The following NAGA variants were observed in gnomAD, a reference collection of about 807,000 sequenced individuals.
NAGA encodes the protein alpha-N-acetylgalactosaminidase, also known as Acetylgalactosaminidase, alpha-N- (alpha-galactosidase B).
In NAGA, 42 loss-of-function variants were observed where a neutral mutation model predicts 45.6. The ratio of observed to expected loss-of-function variants is 0.92; its 90% CI spans 0.72 to 1.19. The LOEUF (loss-of-function observed/expected upper bound fraction) is 1.19. Ranked by LOEUF, NAGA falls within the 50% of genes most tolerant of loss-of-function variation. NAGA has a pLI of 0.00. For synonymous variants in NAGA, 176 were observed against 203.1 expected (o/e 0.87, Z 1.13); for missense variants, 493 against 544.8 (o/e 0.90, Z 0.95).
chr22:42,068,025 T>C (rs1569458717), intron 2 of NAGA, 89 bp from the exon 3 acceptor site: 5 of 1,282,816 alleles, frequency 3.9e-6, no homozygotes, highest in Non-Finnish European at 5.6e-6. Flanking sequence ...ATCTGGGCTA[T>C]AAAAACCATG....
In NAGA at chr22:42,067,772, G is replaced by C; in HGVS notation, c.317C>G (p.Ala106Gly). Reference protein sequence around the residue: ...KRFPHGIPFLADYVHSLGLKL... With the variant: ...KRFPHGIPFLGDYVHSLGLKL... ...GGCTGGGGTGCGGCTCACGTAGTCA[G>C]CCAGGAAAGGAATGCCATGAGGGAA... The change falls in exon 3 of 9, where the codon GCT (alanine) becomes GGT (glycine). Residue 106 changes from alanine to glycine, a missense_variant. Coordinates refer to ENST00000396398, the MANE Select transcript of NAGA (RefSeq NM_000262.3). The C allele has an allele frequency of 6.2e-7, 1 of 1,612,254 alleles. No individual in the cohort carries two copies. The highest frequency in any genetic ancestry group is 8.5e-7 in the Non-Finnish European group (1 of 1,179,956).
chr22:42,068,645 T>C, intron 1 of NAGA, 71 bp from the exon 2 acceptor site: 5 of 1,593,952 alleles, frequency 3.1e-6, no homozygotes, highest in Non-Finnish European at 4.3e-6. Flanking sequence ...TCCCACCCCA[T>C]CTGTATGTTG....
rs1391100613 is a variant in NAGA, at chr22:42,060,068, C to T, written c.*211G>A. 3 of 609,354 alleles carry T rather than the reference C, an allele frequency of 4.9e-6. No individual in the cohort carries two copies. In the Admixed American group the frequency reaches 8.2e-5, roughly 17 times the overall value. 37.7% of individuals were successfully genotyped at this position (609,354 alleles called of 1,614,324 possible). On this transcript the variant is annotated 3_prime_UTR_variant, in exon 9 of 9. Coordinates refer to ENST00000396398, the MANE Select transcript of NAGA (RefSeq NM_000262.3). ...ACATGGAAGTAGAGGCCAGGAAGGC[C>T]ACAGGAAAATTGCCCCAAAAGAAGT...
chr22:42,065,218 G>GA (rs1926653035), intron 6 of NAGA, among the ~76,000 whole-genome samples: 1 of 152,196 alleles, frequency 6.6e-6, no homozygotes, highest in African/African-American at 2.4e-5. Context: ...GTAAATGCTT[G>GA]TTGACTAACA....
rs1020308503 is a variant in NAGA, at chr22:42,070,080, GGA to G, written c.16+200_16+201del. On this transcript the variant is annotated intron_variant, in intron 1 of 8. Transcript: ENST00000396398. ...ATCAGTTAGGGCCTCTGTGCTTGAG[GGA>G]GAGGAAGTGAGAAAGGAAGGGCCCC... Among the ~76,000 whole-genome samples, 10 of 152,380 alleles carry G rather than the reference GGA, an allele frequency of 6.6e-5. No homozygotes were observed. In the South Asian group the frequency reaches 8.3e-4, roughly 13 times the overall value.
At chr22:42,070,193 C>T in intron 1 of NAGA, 89 bp downstream of exon 1, 2 of 1,431,918 alleles carry the variant, frequency 1.4e-6, no homozygotes, top group Non-Finnish European at 2.0e-6. Context: ...ACCTGTCTCT[C>T]CACATACCCA....
chr22:42,064,762 C>T (rs1307440566), intron 6 of NAGA, among the ~76,000 whole-genome samples: 2 of 152,152 alleles, frequency 1.3e-5, no homozygotes, highest in South Asian at 2.1e-4. Context: ...TGTCAAAAAG[C>T]TTATAAACTA....
chr22:42,061,215 C>G, intron 7 of NAGA, 148 bp from the exon 8 acceptor site: 2 of 983,752 alleles, frequency 2.0e-6, no homozygotes, highest in Non-Finnish European at 3.1e-6. Context: ...CTCCAGCACC[C>G]CAGCTTATCT....
Position 42,062,948 on chromosome 22 carries a change from G to C in NAGA, c.836C>G (p.Pro279Arg), listed in dbSNP as rs1481603644. The C allele has an allele frequency of 6.2e-7, 1 of 1,614,188 alleles. No individual in the cohort carries two copies. Among genetic ancestry groups the C allele is most frequent in the South Asian group, 1.1e-5 (1 of 91,086 alleles). Residue 279 changes from proline to arginine, a missense_variant, in exon 7 of 9, where the codon CCC (proline) becomes CGC (arginine). Coordinates refer to ENST00000396398, the MANE Select transcript of NAGA (RefSeq NM_000262.3). ...ACGCAGGTCTGTGGACATCAAGAGG[G>C]GGGCTGCCAGCACCGTCCACAGGGC... is the stretch of plus-strand genomic sequence containing the variant. ...QMALWTVLAA[P>R]LLMSTDLRTI...
Position 42,068,589 on chromosome 22 carries a change from A to G in NAGA, c.17-15T>C. 2 of 1,613,834 alleles carry G rather than the reference A, an allele frequency of 1.2e-6. No individual in the cohort carries two copies. Among genetic ancestry groups the G allele is most frequent in the Non-Finnish European group, 1.7e-6 (2 of 1,179,954 alleles). ...CAGCAAGAGCACTAGGGGGCAAGGG[A>G]GGAGGGGATGGTGACTATCAGTTGC... On this transcript the variant is annotated splice_polypyrimidine_tract_variant and intron_variant, in intron 1 of 8. Coordinates refer to ENST00000396398, the MANE Select transcript of NAGA (RefSeq NM_000262.3).
Position 42,070,266 on chromosome 22 carries a change from C to T in NAGA, c.16+16G>A. 5 of 1,614,226 alleles carry T rather than the reference C, an allele frequency of 3.1e-6. No individual in the cohort carries two copies. The highest frequency in any genetic ancestry group is 4.2e-6 in the Non-Finnish European group (5 of 1,180,032). Reference sequence around the variant, plus strand: ...TCACCCCTACCCTTCCAAGCCACCCCAGCCGGTGTAGGTACCTGTCTTCAG... The same window carrying T: ...TCACCCCTACCCTTCCAAGCCACCCTAGCCGGTGTAGGTACCTGTCTTCAG... On this transcript the variant is annotated intron_variant, in intron 1 of 8. Coordinates refer to ENST00000396398, the MANE Select transcript of NAGA (RefSeq NM_000262.3).
chr22:42,060,400 T>C lies in NAGA; in HGVS notation c.1115A>G (p.Tyr372Cys). The C allele has an allele frequency of 6.2e-7, 1 of 1,613,070 alleles. No individual in the cohort carries two copies. The highest frequency in any genetic ancestry group is 8.5e-7 in the Non-Finnish European group (1 of 1,179,976). Reference protein sequence around the residue: ...GSVIYEAQDVYSGDIISGLRD... With the variant: ...GSVIYEAQDVCSGDIISGLRD... ...GAGGCCACTGATGATGTCACCTGAG[T>C]AGACGTCCTGGGCCTGCAGTGGGGA... Residue 372 changes from tyrosine (Y) to cysteine (C), a missense_variant, in exon 9 of 9, where the codon TAC becomes TGC. Tyr to Cys is a radical substitution (Grantham distance 194). Coordinates refer to ENST00000396398, the MANE Select transcript of NAGA (RefSeq NM_000262.3).
chr22:42,061,753 C>T (rs1926407238), intron 7 of NAGA, among the ~76,000 whole-genome samples: 1 of 151,950 alleles, frequency 6.6e-6, no homozygotes, highest in Non-Finnish European at 1.5e-5. Flanking sequence ...TGAGAGTAGC[C>T]TGGCCAACAT....
At chr22:42,064,078 C>T (rs538062923) in intron 6 of NAGA, among the ~76,000 whole-genome samples, 23 of 151,578 alleles carry the variant, frequency 1.5e-4, no homozygotes, top group Non-Finnish European at 2.9e-4. Flanking sequence ...CGGTGGCTCA[C>T]GCCTGTAATC....
chr22:42,067,323 C>A (rs1381662333), intron 3 of NAGA, 33 bp from the exon 4 acceptor site: 1 of 1,612,856 alleles, frequency 6.2e-7, no homozygotes, highest in Non-Finnish European at 8.5e-7. Context: ...TGGGCTCAAG[C>A]AGGACCCTCA....
Position 42,068,490 on chromosome 22 carries a change from T to A in NAGA, c.101A>T (p.Glu34Val). 1.2e-6 allele frequency: 2 copies of A among 1,614,120 alleles called. No homozygotes were observed. The highest frequency in any genetic ancestry group is 1.7e-6 in the Non-Finnish European group (2 of 1,180,024). The change falls in exon 2 of 9, where the codon GAA (glutamate) becomes GTA (valine). Residue 34 changes from glutamate (E) to valine (V), a missense_variant. Physicochemically the swap from Glu to Val is moderately radical, Grantham distance 121. Coordinates refer to ENST00000396398, the MANE Select transcript of NAGA (RefSeq NM_000262.3). The stretch of plus-strand genomic sequence containing the variant: ...ACAGTTAATGTTGCAGCGGAAGCGT[T>A]CCCAGGCCAGCCAGCCCATGGGTGG... ...QTPPMGWLAW[E>V]RFRCNINCDE...
chr22:42,067,122 GC>G lies in NAGA; in HGVS notation c.492del (p.Glu164AspfsTer13). On this transcript the variant is annotated frameshift_variant, in exon 4 of 9. Coordinates refer to ENST00000396398, the MANE Select transcript of NAGA (RefSeq NM_000262.3). LOFTEE classifies it high-confidence loss of function. The part of the protein sequence containing the change: ...KLDGCFSTPE[E>X]RAQGYPKMAA... ...CAGCTGCGTAACTCACCCTGGGCCCGCTCCTCGGGGGTGGAGAAGCAGCCAT... is the reference window on the plus strand; with the variant it reads ...CAGCTGCGTAACTCACCCTGGGCCCGTCCTCGGGGGTGGAGAAGCAGCCAT... 3.1e-6 allele frequency: 5 copies of G among 1,613,952 alleles called. No homozygotes were observed. Among genetic ancestry groups the G allele is most frequent in the Non-Finnish European group, 4.2e-6 (5 of 1,179,980 alleles).
At chr22:42,062,757 G>A in intron 7 of NAGA, 70 bp downstream of exon 7, 1 of 1,554,386 alleles carries the variant, frequency 6.4e-7, no homozygotes, top group Non-Finnish European at 8.9e-7. Context: ...CCCCAGGGAG[G>A]CTGGCAGCCT....
At chr22:42,066,883 C>T in intron 4 of NAGA, 79 bp from the exon 5 acceptor site, 3 of 1,481,430 alleles carry the variant, frequency 2.0e-6, no homozygotes, top group Non-Finnish European at 2.8e-6. Flanking sequence ...CTTTTCCCAA[C>T]AGATGTGAAG....
Sources: gnomAD v4.1 joint callset for allele counts (sites outside exome capture counted in the v4.1 genomes callset) on GRCh38, gnomAD v4.1.1 for gene constraint, MANE v1.5 for transcripts, NCBI Gene and HGNC (gene_info 2026-07-23, HGNC 2026-07-21) for gene names.